TBC1D30: variants seen among roughly 807,000 people sequenced by gnomAD.
The protein encoded by TBC1D30 is TBC1 domain family member 30, also known as TBC1 domain family, member 30.
A neutral mutation model predicts 63.2 loss-of-function variants in TBC1D30; 31 were observed. The ratio of observed to expected loss-of-function variants is 0.49; its 90% confidence interval spans 0.37 to 0.66. The LOEUF is 0.66. TBC1D30 is among the 30% of genes least tolerant of loss of function. The pLI is 0.00. For missense variants in TBC1D30, 810 were observed against 953.6 expected (o/e 0.85, Z 1.98); for synonymous variants, 307 against 361.5 (o/e 0.85, Z 1.71).
chr12:64,870,580 A>G lies in TBC1D30; in HGVS notation c.1292-22A>G, dbSNP rs560944385. 1.7e-3 allele frequency: 2,679 copies of G among 1,532,814 alleles called. 7 individuals carry two copies. The highest frequency in any genetic ancestry group is 2.3e-3 in the South Asian group (194 of 83,986). 95.0% of individuals were successfully genotyped at this position (1,532,814 alleles called of 1,614,324 possible). A position where few individuals can be genotyped will look rare whatever the true frequency, so the allele number is the denominator to read the frequency against. ...GTTCCCCTCCACCGACCATCTCCTT[A>G]TGTCTCATCCTTCGAGCGCAGAGCC... is the stretch of plus-strand genomic sequence containing the variant. On this transcript the variant is annotated intron_variant, in intron 10 of 11. Transcript: ENST00000539867.
At chr12:64,786,476 C>T (rs7967808) in intron 2 of TBC1D30, among the ~76,000 whole-genome samples, 94,198 of 151,646 alleles carry the variant, frequency 0.62, 29,623 homozygotes, top group East Asian at 0.89. Flanking sequence ...GAACTACAGG[C>T]GCCCGCCACC....
intron 8 of TBC1D30, among the ~76,000 whole-genome samples, chr12:64,849,672 G>T (rs1876694583): frequency 6.6e-6 from 1 of 152,172 alleles, no homozygotes; most frequent in Non-Finnish European, 1.5e-5. Context: ...TTTGGTTACT[G>T]TAGCCTTGTA....
Position 64,827,857 on chromosome 12 carries a change from C to T in TBC1D30, c.177C>T (p.Phe59=). The change falls in exon 2 of 12, where the codon TTC becomes TTT. Residue 59 remains phenylalanine, a synonymous_variant. Coordinates refer to ENST00000539867, the MANE Select transcript of TBC1D30 (RefSeq NM_015279.2). ...CAGGAGTTGATACCAAGTTGAAATT[C>T]ACTCTTGAGCCATCTTTAGGTCAAA... is the stretch of plus-strand genomic sequence containing the variant. ...LEPGVDTKLK[F]TLEPSLGQNG... is the part of the protein sequence containing the mutation. The T allele has an allele frequency of 6.5e-7, 1 of 1,533,892 alleles. No individual in the cohort carries two copies. Among genetic ancestry groups the T allele is most frequent in the Non-Finnish European group, 8.7e-7 (1 of 1,145,882 alleles).
chr12:64,805,276 A>T (rs1389606141), intron 2 of TBC1D30, among the ~76,000 whole-genome samples: 1 of 152,184 alleles, frequency 6.6e-6, no homozygotes, highest in Non-Finnish European at 1.5e-5. Flanking sequence ...GCAGTGCACC[A>T]CACTCCTATA....
chr12:64,814,819 C>G (rs1018235005), intron 2 of TBC1D30, among the ~76,000 whole-genome samples: 1 of 152,122 alleles, frequency 6.6e-6, no homozygotes, highest in East Asian at 1.9e-4. Context: ...TCTCTACTAC[C>G]AAAACTTGAG....
At chr12:64,769,816 G>C (rs752235251) in intron 1 of TBC1D30, among the ~76,000 whole-genome samples, 1 of 152,086 alleles carries the variant, frequency 6.6e-6, no homozygotes, top group African/African-American at 2.4e-5. Flanking sequence ...CACTGGGCTC[G>C]GCTGAAAAAT....
intron 2 of TBC1D30, among the ~76,000 whole-genome samples, chr12:64,811,947 T>TA (rs1873243711): frequency 6.6e-6 from 1 of 152,198 alleles, no homozygotes; most frequent in South Asian, 2.1e-4. Context: ...ACTTAGTAGA[T>TA]AGAGTATGGC....
chr12:64,836,695 GT>G, intron 6 of TBC1D30, 37 bp downstream of exon 6: 2 of 1,501,670 alleles, frequency 1.3e-6, no homozygotes, highest in Non-Finnish European at 1.8e-6. Context: ...GAAAATATTT[GT>G]CTTCTCTGAT....
At chr12:64,791,556 C>T (rs1023451125) in intron 2 of TBC1D30, among the ~76,000 whole-genome samples, 8 of 151,852 alleles carry the variant, frequency 5.3e-5, no homozygotes, top group African/African-American at 1.9e-4. Flanking sequence ...GTTGTGTCAC[C>T]CAGGCTGGAA....
At chr12:64,766,423 C>G (rs1320186016) in intron 1 of TBC1D30, among the ~76,000 whole-genome samples, 1 of 151,960 alleles carries the variant, frequency 6.6e-6, no homozygotes, top group Non-Finnish European at 1.5e-5. Flanking sequence ...GAAAAGTAGA[C>G]TTTATGACAA....
At chr12:64,777,315 ACAAT>A (rs1871110788), upstream of TBC1D30, among the ~76,000 whole-genome samples, 1 of 152,198 alleles carries the variant, frequency 6.6e-6, no homozygotes, top group South Asian at 2.1e-4. Flanking sequence ...AGGAAGTCAA[ACAAT>A]CCATGTTTGC....
At chr12:64,838,060 TAAAG>T (rs932227952) in intron 6 of TBC1D30, among the ~76,000 whole-genome samples, 25 of 152,128 alleles carry the variant, frequency 1.6e-4, no homozygotes, top group African/African-American at 5.6e-4. Context: ...ACTGATCACA[TAAAG>T]TAAGAGGGAG....
chr12:64,811,563 G>C (rs898930593), intron 2 of TBC1D30, among the ~76,000 whole-genome samples: 1 of 152,208 alleles, frequency 6.6e-6, no homozygotes, highest in African/African-American at 2.4e-5. Context: ...ATGCAGAAAG[G>C]AGTGCTCTGT....
At chr12:64,871,163 A>G (rs1878627313) in intron 11 of TBC1D30, among the ~76,000 whole-genome samples, 1 of 150,896 alleles carries the variant, frequency 6.6e-6, no homozygotes. Context: ...GCATCTGAAT[A>G]TAGAATCATC....
Position 64,875,760 on chromosome 12 carries a change from G to C in TBC1D30, c.2258G>C (p.Gly753Ala). ...QMSRSFSKPG[G>A]GNSGTKKR is the part of the protein sequence containing the mutation. ...AGTAGGAGCTTCAGCAAACCCGGCG[G>C]TGGAAACAGTGGCACTAAAAAACGA... Residue 753 changes from glycine to alanine, a missense_variant, in exon 12 of 12, where the codon GGT becomes GCT. This residue lies in a region of TBC1D30 where 450 missense variants were observed against 473.0 expected (regional missense o/e 0.95). Transcript: ENST00000539867. The C allele has an allele frequency of 2.0e-6, 3 of 1,531,390 alleles. No homozygotes were observed. The highest frequency in any genetic ancestry group is 2.6e-6 in the Non-Finnish European group (3 of 1,144,954). 94.9% of individuals were successfully genotyped at this position (1,531,390 alleles called of 1,614,324 possible). A position where few individuals can be genotyped will look rare whatever the true frequency, so the allele number is the denominator to read the frequency against.
At chr12:64,789,185 T>G (rs1344430722) in intron 2 of TBC1D30, among the ~76,000 whole-genome samples, 1 of 116,026 alleles carries the variant, frequency 8.6e-6, no homozygotes, top group East Asian at 2.0e-4. Context: ...CTTCTTCTTC[T>G]TTTTTTTTTT....
chr12:64,831,105 A>C (rs569389848), intron 4 of TBC1D30, among the ~76,000 whole-genome samples: 1 of 152,312 alleles, frequency 6.6e-6, no homozygotes, highest in South Asian at 2.1e-4. Context: ...TTTTGATTTT[A>C]TATGAGTACA....
chr12:64,802,956 T>C (rs1395746184), intron 2 of TBC1D30, among the ~76,000 whole-genome samples: 1 of 152,222 alleles, frequency 6.6e-6, no homozygotes, highest in Non-Finnish European at 1.5e-5. Flanking sequence ...GCAATAAACA[T>C]ACGTGTGCAT....
intron 2 of TBC1D30, among the ~76,000 whole-genome samples, chr12:64,803,496 A>C (rs1237245271): frequency 2.0e-5 from 3 of 152,134 alleles, no homozygotes; most frequent in African/African-American, 7.2e-5. Context: ...GAAGCTCTTT[A>C]GTTTAATTAG....
Sources: allele counts gnomAD v4.1 joint callset (sites outside exome capture counted in the v4.1 genomes callset), GRCh38; gene constraint gnomAD v4.1.1; regional missense constraint gnomAD v4.1.1; transcripts MANE v1.5; gene names NCBI Gene and HGNC (gene_info 2026-07-23, HGNC 2026-07-21).